MYO16: variants seen among roughly 807,000 people sequenced by gnomAD.
MYO16 encodes the protein unconventional myosin-XVI.
Under a neutral mutation model 205.3 loss-of-function variants are expected in MYO16, and 94 were observed. The observed-to-expected ratio is 0.46, with a 90% CI of 0.39 to 0.54. The LOEUF (loss-of-function observed/expected upper bound fraction) is 0.54. MYO16 is among the 20% of genes least tolerant of loss of function. The probability of loss-of-function intolerance (pLI) is 0.00; values close to 1 mark genes in which losing one functional copy is unlikely to be tolerated. For synonymous variants in MYO16, 988 were observed against 954.0 expected (o/e 1.04, Z -0.66); for missense variants, 2,315 against 2,387.5 (o/e 0.97, Z 0.63).
intron 17 of MYO16, among the ~76,000 whole-genome samples, chr13:108,959,964 A>T (rs958798442): frequency 3.9e-4 from 58 of 149,652 alleles, no homozygotes; most frequent in African/African-American, 1.4e-3. Context: ...ATGAAGACTA[A>T]TTGATTTAAA....
intron 3 of MYO16, among the ~76,000 whole-genome samples, chr13:108,719,015 C>T (rs1004378480): frequency 6.6e-6 from 1 of 152,112 alleles, no homozygotes; most frequent in African/African-American, 2.4e-5. Flanking sequence ...ATACACCACA[C>T]GGGCCTGATT....
At chr13:108,749,859 A>G (rs528243841) in intron 4 of MYO16, among the ~76,000 whole-genome samples, 53 of 152,358 alleles carry the variant, frequency 3.5e-4, no homozygotes, top group African/African-American at 1.3e-3. Context: ...ATAATTGCCA[A>G]AACTTGGAAG....
chr13:109,178,653 T>A (rs530216261), intron 33 of MYO16, among the ~76,000 whole-genome samples: 1 of 152,184 alleles, frequency 6.6e-6, no homozygotes, highest in Non-Finnish European at 1.5e-5. Flanking sequence ...GGTGATGCAT[T>A]GCGCCTGTAT....
In MYO16 at chr13:108,988,243, T is replaced by C. The variant is rs1884703692; in HGVS notation, c.2370-4133T>C. On this transcript the variant is annotated intron_variant, in intron 20 of 34. Transcript: ENST00000457511. Reference sequence around the variant, plus strand: ...GACAGTCAGGTCAACTGCTACGTAGTATGGGCGTTTTGCTGGCTGAAAGTT... The same window carrying C: ...GACAGTCAGGTCAACTGCTACGTAGCATGGGCGTTTTGCTGGCTGAAAGTT... Among the ~76,000 whole-genome samples, 3 of 152,332 alleles carry C rather than the reference T, an allele frequency of 2.0e-5. No individual in the cohort carries two copies. The South Asian group carries it at 6.2e-4, about 32-fold the overall frequency.
intron 11 of MYO16, among the ~76,000 whole-genome samples, chr13:108,862,990 GA>G (rs1433580921): frequency 3.3e-5 from 5 of 151,938 alleles, no homozygotes; most frequent in African/African-American, 1.2e-4. Flanking sequence ...AAAATAAGAA[GA>G]AAAAATTATT....
At chr13:109,087,587 A>G (rs1888474313) in intron 27 of MYO16, among the ~76,000 whole-genome samples, 1 of 152,178 alleles carries the variant, frequency 6.6e-6, no homozygotes, top group South Asian at 2.1e-4. Flanking sequence ...TGGAGGTTGC[A>G]GTGAGCCGAG....
intron 9 of MYO16, among the ~76,000 whole-genome samples, chr13:108,838,753 T>C (rs12560812): frequency 2.1e-4 from 16 of 76,902 alleles, no homozygotes; most frequent in African/African-American, 4.9e-4. Flanking sequence ...TATATATATA[T>C]ACACACACAC....
At chr13:109,022,520 T>A (rs1886095087) in intron 23 of MYO16, among the ~76,000 whole-genome samples, 1 of 123,136 alleles carries the variant, frequency 8.1e-6, no homozygotes, top group African/African-American at 3.1e-5. Context: ...ATATATTTGT[T>A]ATATATACAA....
intron 27 of MYO16, among the ~76,000 whole-genome samples, chr13:109,093,755 A>G (rs981946380): frequency 1.3e-5 from 2 of 152,074 alleles, no homozygotes; most frequent in Non-Finnish European, 2.9e-5. Context: ...TTCCGTCGCC[A>G]TTGCCTTGGA....
chr13:108,803,957 T>C lies in MYO16; in HGVS notation c.742-2722T>C, dbSNP rs369029767. On this transcript the variant is annotated intron_variant, in intron 6 of 34. Transcript: ENST00000457511. ...TTATATTAACATACAAAAATGATGG[T>C]ATGAATGCAAGATGTATTAGGAGCC... 3.9e-5 allele frequency among the ~76,000 whole-genome samples: 6 copies of C among 152,164 alleles called. No individual in the cohort carries two copies. In the East Asian group the frequency reaches 7.7e-4, roughly 20 times the overall value.
At position 108,602,320 on chromosome 13, in the gene MYO16, G is replaced by A. The variant is rs555700149; in HGVS notation, c.-39+6081G>A. 5.3e-4 allele frequency among the ~76,000 whole-genome samples: 80 copies of A among 152,192 alleles called. 1 individual carries two copies. Among genetic ancestry groups the A allele is most frequent in the Admixed American group, 4.8e-3 (73 of 15,266 alleles). On this transcript the variant is annotated intron_variant, in intron 1 of 24. Transcript: ENST00000251041. ...ATTTCATCAGTTTTTATAAGATGTA[G>A]ACCTCTTGCACCTTTGGTTCTTTGT...
At chr13:108,858,493 T>A (rs771938711) in intron 11 of MYO16, among the ~76,000 whole-genome samples, 1 of 152,118 alleles carries the variant, frequency 6.6e-6, no homozygotes, top group Non-Finnish European at 1.5e-5. Context: ...ATGCATTTGG[T>A]GAGACTGTTG....
intron 31 of MYO16, among the ~76,000 whole-genome samples, chr13:109,136,707 A>G (rs541420429): frequency 6.6e-6 from 1 of 152,184 alleles, no homozygotes; most frequent in Non-Finnish European, 1.5e-5. Context: ...AGCTTCCAGC[A>G]TCTTCCTCAC....
chr13:108,527,024 T>C, the MYO16 span, among the ~76,000 whole-genome samples: 2 of 152,204 alleles, frequency 1.3e-5, no homozygotes, highest in South Asian at 4.1e-4. Context: ...TAAATTTGGA[T>C]GAAGTTACAA....
intron 2 of MYO16, among the ~76,000 whole-genome samples, chr13:108,683,960 C>T (rs1882569110): frequency 2.0e-5 from 3 of 152,204 alleles, no homozygotes; most frequent in Non-Finnish European, 4.4e-5. Context: ...ACAGCAACCT[C>T]CGCCTCCCGG....
chr13:109,164,943 G>A lies in MYO16; in HGVS notation c.5207G>A (p.Ser1736Asn), dbSNP rs1023863348. 6.2e-7 allele frequency: 1 copy of A among 1,607,100 alleles called. No homozygotes were observed. Among genetic ancestry groups the A allele is most frequent in the Non-Finnish European group, 8.5e-7 (1 of 1,176,736 alleles). ...AACATAAGTAGCCGAGATGACCCTA[G>A]TACGTCAGAAATTACTTCCGAGACT... is the stretch of plus-strand genomic sequence containing the variant. ...NMNISSRDDP[S>N]TSEITSETQD... Residue 1736 changes from serine to asparagine, a missense_variant, in exon 33 of 35, where the codon AGT becomes AAT. Ser to Asn is a conservative substitution (Grantham distance 46). This residue lies in a region of MYO16 where 1,097 missense variants were observed against 1,092.0 expected (regional missense o/e 1.00). Coordinates refer to ENST00000457511, the MANE Select transcript of MYO16 (RefSeq NM_001198950.3).
intron 7 of MYO16, among the ~76,000 whole-genome samples, chr13:108,808,646 T>C (rs1448133712): frequency 2.6e-5 from 4 of 152,108 alleles, no homozygotes; most frequent in South Asian, 2.1e-4. Flanking sequence ...AAATTATGCT[T>C]CTAGTAAAGC....
At chr13:109,097,786 A>G (rs1248181200) in intron 27 of MYO16, among the ~76,000 whole-genome samples, 1 of 152,110 alleles carries the variant, frequency 6.6e-6, no homozygotes, top group African/African-American at 2.4e-5. Flanking sequence ...TTTCCTATAC[A>G]CTAAGTTTGA....
At chr13:108,544,178 T>C in the MYO16 span, among the ~76,000 whole-genome samples, 1 of 152,194 alleles carries the variant, frequency 6.6e-6, no homozygotes, top group East Asian at 1.9e-4. Flanking sequence ...TGTATTAATA[T>C]GTTTAAATTA....
Sources: gnomAD v4.1 joint callset for allele counts (sites outside exome capture counted in the v4.1 genomes callset) on GRCh38, gnomAD v4.1.1 for gene constraint, gnomAD v4.1.1 regional missense constraint, MANE v1.5 for transcripts, NCBI Gene and HGNC (gene_info 2026-07-23, HGNC 2026-07-21) for gene names.